Variants in POLD1 observed in about 807,000 individuals in gnomAD.
POLD1 encodes DNA polymerase delta 1, catalytic subunit.
A neutral mutation model predicts 129.7 loss-of-function variants in POLD1; 79 were observed. The ratio of observed to expected loss-of-function variants is 0.61; its 90% CI spans 0.51 to 0.73. The LOEUF is 0.73. Among genes scored for constraint, POLD1 ranks in the 30% least tolerant of loss-of-function variants. POLD1 has a pLI of 0.00. For missense variants in POLD1, 1,338 were observed against 1,595.8 expected (o/e 0.84, Z 2.75); for synonymous variants, 714 against 683.3 (o/e 1.04, Z -0.70).
chr19:50,417,129 G>A, intron 25 of POLD1, 32 bp downstream of exon 25: 2 of 1,572,668 alleles, frequency 1.3e-6, no homozygotes, highest in East Asian at 4.7e-5. Context: ...GAGGGGCCAG[G>A]TGGGGAGGCG....
chr19:50,385,250 C>T (rs2037930203), intron 1 of POLD1, among the ~76,000 whole-genome samples: 1 of 152,082 alleles, frequency 6.6e-6, no homozygotes, highest in Admixed American at 6.5e-5. Context: ...GAGAATCAGG[C>T]TCCGGTTACC....
In POLD1 at chr19:50,415,792, C is replaced by T. The variant is rs1023479909; in HGVS notation, c.2786C>T (p.Ala929Val). ...GDRVPYVIIS[A>V]AKGVAAYMKS... is the part of the protein sequence containing the mutation. Reference sequence around the variant, plus strand: ...CGCGTCCCCTACGTGATCATCAGTGCCGCCAAGGGTGTGGCCGCCTACATG... The same window carrying T: ...CGCGTCCCCTACGTGATCATCAGTGTCGCCAAGGGTGTGGCCGCCTACATG... Residue 929 changes from alanine (A) to valine (V), a missense_variant, in exon 22 of 27, where the codon GCC becomes GTC. Transcript: ENST00000440232. 1 of 1,562,898 alleles carries T rather than the reference C, an allele frequency of 6.4e-7. No individual in the cohort carries two copies. Among genetic ancestry groups the T allele is most frequent in the Non-Finnish European group, 8.6e-7 (1 of 1,156,260 alleles).
intron 8 of POLD1, 88 bp downstream of exon 8, chr19:50,402,829 G>T (rs1388764287): frequency 3.3e-6 from 5 of 1,505,136 alleles, no homozygotes; most frequent in Non-Finnish European, 4.5e-6. Context: ...GGAATGGCAA[G>T]CATGAAGGTG....
intron 1 of POLD1, among the ~76,000 whole-genome samples, chr19:50,390,325 A>G (rs920903999): frequency 6.6e-6 from 1 of 151,932 alleles, no homozygotes; most frequent in Admixed American, 6.6e-5. Context: ...TTGTGAGCCA[A>G]TCTCCCGAGA....
intron 18 of POLD1, 74 bp from the exon 19 acceptor site, chr19:50,413,668 C>A (rs1360265261): frequency 1.3e-6 from 2 of 1,552,268 alleles, no homozygotes; most frequent in African/African-American, 1.4e-5. Context: ...CATTAGCCAC[C>A]TGCCACCCCC....
At chr19:50,388,261 ACT>A (rs1248969305) in intron 1 of POLD1, among the ~76,000 whole-genome samples, 1 of 152,188 alleles carries the variant, frequency 6.6e-6, no homozygotes, top group Non-Finnish European at 1.5e-5. Flanking sequence ...TGGTTGCCTA[ACT>A]CTGAACATAC....
intron 22 of POLD1, 62 bp from the exon 23 acceptor site, chr19:50,416,333 AC>A: frequency 1.3e-6 from 2 of 1,524,134 alleles, no homozygotes; most frequent in South Asian, 1.2e-5. Flanking sequence ...CCCCATGACC[AC>A]CCCGTGTCCA....
rs746428536 is a variant in POLD1, at chr19:50,406,158, G to A, written c.1243-24G>A. ...ATGTGACGGGGACCCGCAGCCTGCTGCACACCCTGCCTCTCCTCCTCAGGT... is the reference window on the plus strand; with the variant it reads ...ATGTGACGGGGACCCGCAGCCTGCTACACACCCTGCCTCTCCTCCTCAGGT... On this transcript the variant is annotated intron_variant, in intron 10 of 26. Transcript: ENST00000440232. The surrounding 1 kb of genome is among the most constrained non-coding windows in gnomAD (Gnocchi z 5.5). 3 of 1,606,930 alleles carry A rather than the reference G, an allele frequency of 1.9e-6. No individual in the cohort carries two copies. Among genetic ancestry groups the A allele is most frequent in the Admixed American group, 1.7e-5 (1 of 59,768 alleles).
In POLD1 at chr19:50,406,978, C is replaced by G. The variant is rs2122335450; in HGVS notation, c.1495-5C>G. 1 of 1,588,302 alleles carries G rather than the reference C, an allele frequency of 6.3e-7. No individual in the cohort carries two copies. The highest frequency in any genetic ancestry group is 1.1e-5 in the South Asian group (1 of 88,094). On this transcript the variant is annotated splice_region_variant and splice_polypyrimidine_tract_variant and intron_variant, in intron 12 of 26. Transcript: ENST00000440232. The surrounding 1 kb of genome is among the most constrained non-coding windows in gnomAD (Gnocchi z 5.5). Reference sequence around the variant, plus strand: ...GTCCCTGACCCCATCCGTGCCCATCCCCAGAATGGGAACGACCAGACCCGC... The same window carrying G: ...GTCCCTGACCCCATCCGTGCCCATCGCCAGAATGGGAACGACCAGACCCGC...
intron 19 of POLD1, among the ~76,000 whole-genome samples, 181 bp downstream of exon 19, chr19:50,414,060 T>A (rs2039189177): frequency 6.6e-6 from 1 of 152,168 alleles, no homozygotes; most frequent in African/African-American, 2.4e-5. Flanking sequence ...CTGGATGGCA[T>A]CTGTTCTTTG....
At position 50,417,071 on chromosome 19, in the gene POLD1, C is replaced by A. The variant is rs760766848; in HGVS notation, c.3094C>A (p.Arg1032=). 2 of 1,553,790 alleles carry A rather than the reference C, an allele frequency of 1.3e-6. No homozygotes were observed. The highest frequency in any genetic ancestry group is 1.7e-6 in the Non-Finnish European group (2 of 1,148,312). The change falls in exon 25 of 27, where the codon CGG becomes AGG. Residue 1032 remains arginine (R), a synonymous_variant. Coordinates refer to ENST00000440232, the MANE Select transcript of POLD1 (RefSeq NM_002691.4). ...AGCCGTGTGTGAGTTCTGCCAGCCC[C>A]GGGAGTCTGAGCTGTATCAGAAGGA... ...QGAVCEFCQP[R]ESELYQKEVS... is the part of the protein sequence containing the mutation.
intron 3 of POLD1, among the ~76,000 whole-genome samples, chr19:50,400,522 ATTTTTTTTTTTTT>A (rs1016107364): frequency 1.4e-4 from 9 of 63,518 alleles, no homozygotes; most frequent in Admixed American, 5.1e-4. Context: ...TGCCCCGCCT[ATTTTTTTTTTTTT>A]TTTTTTTTTT....
At chr19:50,408,689 G>A in intron 14 of POLD1, 96 bp from the exon 15 acceptor site, 1 of 1,500,634 alleles carries the variant, frequency 6.7e-7, no homozygotes. Flanking sequence ...GCCAATGAAT[G>A]ATTTTTTTTT....
intron 17 of POLD1, among the ~76,000 whole-genome samples, chr19:50,412,315 G>A (rs1321337349): frequency 1.3e-5 from 2 of 152,080 alleles, no homozygotes; most frequent in East Asian, 3.9e-4. Flanking sequence ...ACCATGCCTG[G>A]CTAATTTTTG....
At chr19:50,389,455 G>C (rs1049805267) in intron 1 of POLD1, among the ~76,000 whole-genome samples, 1 of 151,966 alleles carries the variant, frequency 6.6e-6, no homozygotes, top group African/African-American at 2.4e-5. Context: ...AGGGATGTCC[G>C]CCTGCAGAAC....
At chr19:50,414,133 G>A (rs1421653891) in intron 19 of POLD1, among the ~76,000 whole-genome samples, 1 of 152,252 alleles carries the variant, frequency 6.6e-6, no homozygotes, top group African/African-American at 2.4e-5. Flanking sequence ...AGGTTTCCCA[G>A]TACCTGTCAG....
In POLD1 at chr19:50,402,272, C is replaced by T. The variant is rs777751728; in HGVS notation, c.657C>T (p.Leu219=). 1.0e-5 allele frequency: 16 copies of T among 1,606,104 alleles called. No homozygotes were observed. The highest frequency in any genetic ancestry group is 2.7e-5 in the African/African-American group (2 of 74,874). ...FLRITVALPR[L]VAPARRLLEQ... Reference sequence around the variant, plus strand: ...GCATCACCGTGGCGCTGCCGCGCCTCGTGGCCCCGGCCCGCCGTCTCCTGG... The same window carrying T: ...GCATCACCGTGGCGCTGCCGCGCCTTGTGGCCCCGGCCCGCCGTCTCCTGG... Residue 219 remains leucine, a synonymous_variant, in exon 6 of 27, where the codon CTC becomes CTT. Coordinates refer to ENST00000440232, the MANE Select transcript of POLD1 (RefSeq NM_002691.4).
intron 3 of POLD1, among the ~76,000 whole-genome samples, chr19:50,401,211 C>T (rs1601195386): frequency 6.7e-6 from 1 of 149,226 alleles, no homozygotes; most frequent in East Asian, 2.0e-4. Flanking sequence ...ATCCTTTCAA[C>T]CTGGGAGGTG....
chr19:50,405,803 C>T (rs549342183), intron 10 of POLD1, among the ~76,000 whole-genome samples: 3 of 152,274 alleles, frequency 2.0e-5, no homozygotes, highest in Admixed American at 1.3e-4. Flanking sequence ...CCAGCGCCCT[C>T]AGCATCCATC....
Sources: gnomAD v4.1 joint callset for allele counts (sites outside exome capture counted in the v4.1 genomes callset) on GRCh38, gnomAD v4.1.1 for gene constraint, Gnocchi (gnomAD v3.1) non-coding constraint, MANE v1.5 for transcripts, NCBI Gene and HGNC (gene_info 2026-07-23, HGNC 2026-07-21) for gene names.